Variants in TENM1 observed in about 807,000 individuals in gnomAD.
TENM1 encodes teneurin transmembrane protein 1, also known as teneurin-1.
Under a neutral mutation model 174.8 loss-of-function variants are expected in TENM1, and 35 were observed. The observed-to-expected ratio is 0.20, with a 90% confidence interval of 0.15 to 0.27. TENM1 has a LOEUF of 0.27. TENM1 is among the 10% of genes least tolerant of loss of function. The pLI, the probability that TENM1 is intolerant of heterozygous loss-of-function variation, is 1.00. For missense variants in TENM1, 1,633 were observed against 2,130.1 expected (o/e 0.77, Z 4.59); for synonymous variants, 781 against 798.7 (o/e 0.98, Z 0.37).
intron 23 of TENM1, among the ~76,000 whole-genome samples, chrX:124,423,078 T>C (rs2060672798): frequency 8.9e-6 from 1 of 112,297 alleles, no homozygotes; most frequent in Non-Finnish European, 1.9e-5. Context: ...CCGGTAGCTA[T>C]GATACTCAAA....
chrX:124,915,503 T>C (rs1357842995), intron 1 of TENM1, among the ~76,000 whole-genome samples: 2 of 112,489 alleles, frequency 1.8e-5, no homozygotes, highest in Non-Finnish European at 3.8e-5. Flanking sequence ...CTAGCCTATG[T>C]GACAGAGTGA....
At position 124,958,954 on chromosome X, in the gene TENM1, G is replaced by C. The variant is rs781296534; in HGVS notation, c.217+4583C>G. ...GTTTACATAACTAGTAAACTTAAAAGGCATCTAGTACCGTACCTGGTACCA... is the reference window on the plus strand; with the variant it reads ...GTTTACATAACTAGTAAACTTAAAACGCATCTAGTACCGTACCTGGTACCA... On this transcript the variant is annotated intron_variant, in intron 1 of 31. Transcript: ENST00000422452. Among the ~76,000 whole-genome samples the C allele has an allele frequency of 1.7e-3, 191 of 110,741 alleles. 2 individuals are homozygous for C. Among genetic ancestry groups the C allele is most frequent in the Non-Finnish European group, 2.2e-3 (118 of 52,957 alleles).
exon 24 of TENM1, chrX:124,422,542 T>A: frequency 8.3e-7 from 1 of 1,211,197 alleles, no homozygotes; most frequent in Non-Finnish European, 1.1e-6. Flanking sequence ...CGAACACGCC[T>A]GTTCTCAGAA....
intron 4 of TENM1, among the ~76,000 whole-genome samples, chrX:124,708,916 A>C (rs188041581): frequency 1.7e-3 from 184 of 111,327 alleles, no homozygotes; most frequent in Admixed American, 2.7e-3. Context: ...AGTTGGTTCC[A>C]TTTAAGTTAA....
At chrX:124,609,666 C>T (rs1483809660) in intron 11 of TENM1, among the ~76,000 whole-genome samples, 1 of 111,801 alleles carries the variant, frequency 8.9e-6, no homozygotes, top group Non-Finnish European at 1.9e-5. Flanking sequence ...GCTCACATAA[C>T]TCTTGGTTGC....
chrX:124,650,200 CAAAAAAA>C (rs755570562), intron 8 of TENM1, among the ~76,000 whole-genome samples: 58 of 24,860 alleles, frequency 2.3e-3, no homozygotes, highest in Middle Eastern at 0.033. Flanking sequence ...AAACTGTCTC[CAAAAAAA>C]AAAAAAAAAA....
intron 11 of TENM1, among the ~76,000 whole-genome samples, chrX:124,580,018 T>C (rs2049262761): frequency 9.0e-6 from 1 of 111,558 alleles, no homozygotes; most frequent in South Asian, 3.8e-4. Context: ...GATAGGCATT[T>C]ACTAAGCTAA....
chrX:124,769,082 C>G (rs778868265), intron 3 of TENM1, among the ~76,000 whole-genome samples: 1 of 111,624 alleles, frequency 9.0e-6, no homozygotes, highest in Non-Finnish European at 1.9e-5. Context: ...GAAATTACAC[C>G]TATCTAATGT....
intron 4 of TENM1, among the ~76,000 whole-genome samples, chrX:124,707,221 T>A (rs1477610097): frequency 8.9e-6 from 1 of 111,778 alleles, no homozygotes; most frequent in East Asian, 2.8e-4. Flanking sequence ...CAGGCTGGTC[T>A]TGAACTCCTG....
At chrX:124,801,654 C>T (rs1332240202) in intron 3 of TENM1, among the ~76,000 whole-genome samples, 1 of 111,751 alleles carries the variant, frequency 8.9e-6, no homozygotes, top group Non-Finnish European at 1.9e-5. Context: ...ATTTTGCACA[C>T]TAGTTGATGC....
chrX:125,144,823 C>T, the TENM1 span, among the ~76,000 whole-genome samples: 4 of 109,853 alleles, frequency 3.6e-5, no homozygotes, highest in Admixed American at 9.6e-5. Context: ...CTGCAGCCTC[C>T]GCCTCCCGGG....
intron 3 of TENM1, among the ~76,000 whole-genome samples, chrX:124,766,777 A>C (rs1297667931): frequency 9.0e-6 from 1 of 111,181 alleles, no homozygotes; most frequent in Admixed American, 9.6e-5. Context: ...AAAAATGCTA[A>C]TTGTGCTTTA....
In TENM1 at chrX:124,877,590, CTGCA is replaced by C. The variant is rs752436534; in HGVS notation, c.535+16702_535+16705del. On this transcript the variant is annotated intron_variant, in intron 3 of 31. Transcript: ENST00000422452. ...AAGGACATGGATCCTTGCCAGAGGA[CTGCA>C]TATCTATCAGAGTGCATTCAATATT... 5.7e-4 allele frequency among the ~76,000 whole-genome samples: 64 copies of C among 111,837 alleles called. 1 individual carries two copies. In the East Asian group the frequency reaches 0.016, roughly 28 times the overall value.
At chrX:124,440,007 C>T (rs1457191611) in intron 23 of TENM1, among the ~76,000 whole-genome samples, 3 of 110,913 alleles carry the variant, frequency 2.7e-5, no homozygotes, top group South Asian at 7.6e-4. Context: ...TATTCCCATA[C>T]CATTAAGCTT....
At chrX:124,385,580 G>T in intron 29 of TENM1, 97 bp downstream of exon 32, 1 of 835,897 alleles carries the variant, frequency 1.2e-6, no homozygotes, top group Non-Finnish European at 1.7e-6. Flanking sequence ...GGTTGAATGT[G>T]TGTAGATTAA....
chrX:124,390,953 C>T (rs2060275808), intron 28 of TENM1, among the ~76,000 whole-genome samples: 1 of 112,084 alleles, frequency 8.9e-6, no homozygotes, highest in Non-Finnish European at 1.9e-5. Context: ...GGTGGATTCA[C>T]CAAAGGACTC....
chrX:124,999,297 C>T, the TENM1 span, among the ~76,000 whole-genome samples: 8 of 110,586 alleles, frequency 7.2e-5, no homozygotes, highest in African/African-American at 2.3e-4. Flanking sequence ...ATGAGATACG[C>T]AAGCACAGAT....
the TENM1 span, among the ~76,000 whole-genome samples, chrX:125,198,624 T>C: frequency 9.9e-5 from 11 of 111,637 alleles, no homozygotes; most frequent in Non-Finnish European, 1.5e-4. Context: ...CTTAATCATT[T>C]ATTTCTAGCA....
At chrX:124,885,265 G>A (rs1223561114) in intron 3 of TENM1, among the ~76,000 whole-genome samples, 1 of 109,513 alleles carries the variant, frequency 9.1e-6, no homozygotes, top group Non-Finnish European at 1.9e-5. Flanking sequence ...ACTAATGGGG[G>A]AGTATGAATC....
Sources: allele counts gnomAD v4.1 joint callset (sites outside exome capture counted in the v4.1 genomes callset), GRCh38; gene constraint gnomAD v4.1.1; transcripts MANE v1.5; gene names NCBI Gene and HGNC (gene_info 2026-07-23, HGNC 2026-07-21).